ZIC4: variants seen among roughly 807,000 people sequenced by gnomAD.
ZIC4 encodes Zic family zinc finger 4, also known as zinc finger protein ZIC 4.
Under a neutral mutation model 28.8 loss-of-function variants are expected in ZIC4, and 15 were observed. That is an observed-to-expected ratio of 0.52 (90% CI 0.35 to 0.80). The LOEUF (loss-of-function observed/expected upper bound fraction) is 0.80, where lower values mean the gene tolerates loss of function less well. ZIC4 is among the 30% of genes least tolerant of loss of function. The probability of loss-of-function intolerance (pLI) is 0.01; values close to 1 mark genes in which losing one functional copy is unlikely to be tolerated. For missense variants in ZIC4, 512 were observed against 467.1 expected (o/e 1.10, Z -0.89); for synonymous variants, 220 against 198.1 (o/e 1.11, Z -0.93).
In ZIC4 at chr3:147,390,966, C is replaced by T. The variant is rs1197665946; in HGVS notation, c.969G>A (p.Ala323=). The part of the protein sequence containing the change: ...CGHKSQVASS[A]AVAARTADLS... ...AGTCGGCGGTACGCGCCGCCACCGC[C>T]GCCGAGGAGGCCACCTGGGACTTGT... Residue 323 remains alanine, a synonymous_variant, in exon 4 of 5, where the codon GCG becomes GCA. Coordinates refer to ENST00000383075, the MANE Select transcript of ZIC4 (RefSeq NM_032153.6). 2 of 1,611,914 alleles carry T rather than the reference C, an allele frequency of 1.2e-6. No homozygotes were observed. The highest frequency in any genetic ancestry group is 1.7e-6 in the Non-Finnish European group (2 of 1,179,216).
intron 4 of ZIC4, among the ~76,000 whole-genome samples, chr3:147,390,605 G>T (rs546016829): frequency 2.4e-4 from 36 of 152,150 alleles, no homozygotes; most frequent in Non-Finnish European, 3.8e-4. Flanking sequence ...ATGAAGGCGC[G>T]TGTGGGGGTG....
chr3:147,404,396 T>C, intron 1 of ZIC4: 1 of 793,062 alleles, frequency 1.3e-6, no homozygotes, highest in East Asian at 5.8e-5. Flanking sequence ...CTCTGTAGCG[T>C]TTCCATCACA....
In ZIC4 at chr3:147,396,790, G is replaced by T. The variant is rs2087058651; in HGVS notation, c.71-321C>A. The T allele has an allele frequency of 3.6e-6, 1 of 279,172 alleles. No homozygotes were observed. The highest frequency in any genetic ancestry group is 6.7e-6 in the Non-Finnish European group (1 of 149,730). The allele number at this position is 279,172 out of a possible 1,614,324, so 17.3% of individuals were successfully genotyped here. A position where few individuals can be genotyped will look rare whatever the true frequency, so the allele number is the denominator to read the frequency against. ...GGGTTGCTGGGGGTTCTGCTCCAGA[G>T]GGGTAGGAGCTGAGCCCCAAGCGCA... On this transcript the variant is annotated intron_variant, in intron 2 of 4. Coordinates refer to ENST00000383075, the MANE Select transcript of ZIC4 (RefSeq NM_032153.6). This position sits in a 1 kb window ranked among gnomAD's most constrained non-coding sequence, Gnocchi z 4.2.
chr3:147,390,954 C>G lies in ZIC4; in HGVS notation c.981G>C (p.Ala327=), dbSNP rs753763075. The G allele has an allele frequency of 6.2e-7, 1 of 1,610,800 alleles. No individual in the cohort carries two copies. The highest frequency in any genetic ancestry group is 1.1e-5 in the South Asian group (1 of 90,858). ...ACCATTCGCTCAAGTCGGCGGTACGCGCCGCCACCGCCGCCGAGGAGGCCA... is the reference window on the plus strand; with the variant it reads ...ACCATTCGCTCAAGTCGGCGGTACGGGCCGCCACCGCCGCCGAGGAGGCCA... ...SQVASSAAVA[A]RTADLSE Residue 327 remains alanine, a synonymous_variant, in exon 4 of 5, where the codon GCG becomes GCC. Coordinates refer to ENST00000383075, the MANE Select transcript of ZIC4 (RefSeq NM_032153.6).
chr3:147,402,760 A>G lies in ZIC4; in HGVS notation c.38T>C (p.Leu13Ser). The change falls in exon 2 of 5, where the codon TTA becomes TCA. Residue 13 changes from leucine to serine, a missense_variant. Physicochemically the swap from Leu to Ser is moderately radical, Grantham distance 145 (BLOSUM62 -2). Coordinates refer to ENST00000383075, the MANE Select transcript of ZIC4 (RefSeq NM_032153.6). Reference protein sequence around the residue: ...YKTSLVMRKRLRLYRNTLKES... With the variant: ...YKTSLVMRKRSRLYRNTLKES... ...TTTAAGAGTGTTTCGGTAAAGCCGT[A>G]ATCGTTTCCTCATCACCAAGGATGT... 1 of 1,613,962 alleles carries G rather than the reference A, an allele frequency of 6.2e-7. No individual in the cohort carries two copies. The highest frequency in any genetic ancestry group is 2.2e-5 in the East Asian group (1 of 44,868).
Position 147,396,291 on chromosome 3 carries a change from C to G in ZIC4, c.249G>C (p.Ala83=). The change falls in exon 3 of 5, where the codon GCG becomes GCC. Residue 83 remains alanine, a synonymous_variant. Coordinates refer to ENST00000383075, the MANE Select transcript of ZIC4 (RefSeq NM_032153.6). The surrounding 1 kb of genome is among the most constrained non-coding windows in gnomAD (Gnocchi z 4.2). ...ARPEPFPPGP[A]ARSDALAAAA... is the part of the protein sequence containing the mutation. Reference sequence around the variant, plus strand: ...CAGCTGCCAGGGCGTCGCTGCGGGCCGCAGGCCCTGGCGGGAAGGGCTCCG... The same window carrying G: ...CAGCTGCCAGGGCGTCGCTGCGGGCGGCAGGCCCTGGCGGGAAGGGCTCCG... 6.2e-7 allele frequency: 1 copy of G among 1,607,424 alleles called. No individual in the cohort carries two copies. Among genetic ancestry groups the G allele is most frequent in the Non-Finnish European group, 8.5e-7 (1 of 1,176,954 alleles).
chr3:147,399,949 A>T (rs1469064937), intron 2 of ZIC4, among the ~76,000 whole-genome samples: 2 of 152,214 alleles, frequency 1.3e-5, no homozygotes, highest in African/African-American at 2.4e-5. Context: ...TACAGGCGTG[A>T]GCCACTGCAC....
In ZIC4 at chr3:147,390,967, G is replaced by C. The variant is rs375631022; in HGVS notation, c.968C>G (p.Ala323Gly). ...GTCGGCGGTACGCGCCGCCACCGCC[G>C]CCGAGGAGGCCACCTGGGACTTGTG... is the stretch of plus-strand genomic sequence containing the variant. ...CGHKSQVASS[A>G]AVAARTADLS... The change falls in exon 4 of 5, where the codon GCG becomes GGG. Residue 323 changes from alanine to glycine, a missense_variant. Transcript: ENST00000383075. 1.2e-5 allele frequency: 20 copies of C among 1,611,902 alleles called. No individual in the cohort carries two copies. The highest frequency in any genetic ancestry group is 6.7e-5 in the Admixed American group (4 of 59,944).
At chr3:147,406,089 C>T (rs2087270957) in intron 1 of ZIC4, 1 of 158,258 alleles carries the variant, frequency 6.3e-6, no homozygotes, top group East Asian at 1.9e-4. Flanking sequence ...CCATTTGTAC[C>T]CCTTTTCCCT....
chr3:147,392,518 G>C lies in ZIC4; in HGVS notation c.689-1272C>G, dbSNP rs147356092. The C allele has an allele frequency of 3.5e-4, 307 of 885,478 alleles. No homozygotes were observed. In the African/African-American group the frequency reaches 5.1e-3, roughly 15 times the overall value. The allele number at this position is 885,478 out of a possible 1,614,324, so 54.9% of individuals were successfully genotyped here. ...GAGCTGCAAGTGCTGCGGAAATGGGGGAAGAAGGTTTCTGGGCGCTTTAAA... is the reference window on the plus strand; with the variant it reads ...GAGCTGCAAGTGCTGCGGAAATGGGCGAAGAAGGTTTCTGGGCGCTTTAAA... On this transcript the variant is annotated intron_variant, in intron 3 of 4. Transcript: ENST00000383075.
chr3:147,404,807 G>A (rs966535497), intron 1 of ZIC4, among the ~76,000 whole-genome samples: 1 of 152,200 alleles, frequency 6.6e-6, no homozygotes, highest in South Asian at 2.1e-4. Context: ...GCTGCAAATT[G>A]TGGGGCCGAC....
chr3:147,401,527 T>A (rs560366764), intron 2 of ZIC4, among the ~76,000 whole-genome samples: 2 of 152,320 alleles, frequency 1.3e-5, no homozygotes, highest in East Asian at 3.9e-4. Context: ...CTTTCTTCCC[T>A]GTTTCTGGCC....
chr3:147,389,730 G>T (rs2086870981), intron 4 of ZIC4, among the ~76,000 whole-genome samples: 1 of 152,126 alleles, frequency 6.6e-6, no homozygotes, highest in Non-Finnish European at 1.5e-5. Flanking sequence ...CCCACTGGGT[G>T]TTTGCCTTTA....
intron 1 of ZIC4, chr3:147,403,818 G>A: frequency 2.4e-6 from 2 of 829,840 alleles, no homozygotes; most frequent in Non-Finnish European, 3.6e-6. Context: ...ATCTTAAACG[G>A]TATCCAGTTC....
chr3:147,390,138 C>T (rs2086882865), intron 4 of ZIC4, among the ~76,000 whole-genome samples: 1 of 152,140 alleles, frequency 6.6e-6, no homozygotes, highest in African/African-American at 2.4e-5. Flanking sequence ...TATCTGTGTG[C>T]CCAGGCCACT....
chr3:147,392,306 A>C (rs888048263), intron 3 of ZIC4: 1 of 985,852 alleles, frequency 1.0e-6, no homozygotes, highest in Non-Finnish European at 1.2e-6. Flanking sequence ...GGCGGCTGGC[A>C]TAGGCCGGGG....
In ZIC4 at chr3:147,405,463, G is replaced by T. The variant is rs1214057921; in HGVS notation, c.-16+900C>A. On this transcript the variant is annotated intron_variant, in intron 1 of 4. Transcript: ENST00000383075. ...CCGCTTTCCTAAGACTTTGACATGG[G>T]CCATTCATCAACCCCAACTTTCAGA... 16 of 1,537,100 alleles carry T rather than the reference G, an allele frequency of 1.0e-5. No individual in the cohort carries two copies. In the Admixed American group the frequency reaches 2.9e-4, roughly 28 times the overall value.
intron 1 of ZIC4, among the ~76,000 whole-genome samples, chr3:147,404,601 C>T (rs1193858557): frequency 6.6e-6 from 1 of 152,232 alleles, no homozygotes; most frequent in African/African-American, 2.4e-5. Flanking sequence ...TTGCTCCCCA[C>T]ATCAACCACG....
intron 3 of ZIC4, chr3:147,392,328 T>C: frequency 2.0e-6 from 2 of 985,518 alleles, no homozygotes; most frequent in Non-Finnish European, 2.4e-6. Context: ...GGGGCTGGGA[T>C]CGGTGGCTGC....
Sources: allele counts gnomAD v4.1 joint callset (sites outside exome capture counted in the v4.1 genomes callset), GRCh38; gene constraint gnomAD v4.1.1; non-coding constraint Gnocchi (gnomAD v3.1); transcripts MANE v1.5; gene names NCBI Gene and HGNC (gene_info 2026-07-23, HGNC 2026-07-21).